STK39: variants seen among roughly 807,000 people sequenced by gnomAD.
STK39 encodes STE20/SPS1-related proline-alanine-rich protein kinase.
Under a neutral mutation model 77.8 loss-of-function variants are expected in STK39, and 20 were observed. The ratio of observed to expected loss-of-function variants is 0.26; its 90% CI spans 0.18 to 0.37. STK39 has a LOEUF of 0.37. Among genes scored for constraint, STK39 ranks in the 10% least tolerant of loss-of-function variants. STK39 has a pLI of 1.00. For synonymous variants in STK39, 246 were observed against 234.1 expected, an observed-to-expected ratio of 1.05 and a Z score of -0.47; for missense variants, 479 against 656.5, an observed-to-expected ratio of 0.73 and a Z score of 2.95.
chr2:168,213,610 C>T (rs1198837237), intron 1 of STK39, among the ~76,000 whole-genome samples: 1 of 150,896 alleles, frequency 6.6e-6, no homozygotes, highest in Non-Finnish European at 1.5e-5. Flanking sequence ...CACCTGAGCC[C>T]AGGAGGTGGA....
chr2:168,018,521 AAAGAAAGAAAAGAAAGAAAAGAAAGAAAG>A (rs1482792449), intron 14 of STK39, among the ~76,000 whole-genome samples: 25 of 98,418 alleles, frequency 2.5e-4, no homozygotes, highest in African/African-American at 1.4e-3. Context: ...AAAAGAAAGA[AAAGAAAGAAAAGAAAGAAAAGAAAGAAAG>A]AAAGAAAGAA....
Position 167,955,377 on chromosome 2 carries a change from G to A in STK39, c.*119C>T. 6.2e-6 allele frequency: 6 copies of A among 973,324 alleles called. No homozygotes were observed. Among genetic ancestry groups the A allele is most frequent in the Non-Finnish European group, 9.1e-6 (6 of 656,310 alleles). The allele number at this position is 973,324 out of a possible 1,614,324, so 60.3% of individuals were successfully genotyped here. A position where few individuals can be genotyped will look rare whatever the true frequency, so the allele number is the denominator to read the frequency against. ...GAAGCCGGCCTCTTCACAATCTTCT[G>A]ATTTTGCTAGGAAATGGGAGTGAGG... On this transcript the variant is annotated 3_prime_UTR_variant, in exon 18 of 18. Coordinates refer to ENST00000355999, the MANE Select transcript of STK39 (RefSeq NM_013233.3).
chr2:168,013,571 T>G (rs112243851), intron 15 of STK39, among the ~76,000 whole-genome samples: 63 of 152,308 alleles, frequency 4.1e-4, no homozygotes, highest in African/African-American at 1.4e-3. Flanking sequence ...TATTTAGAAT[T>G]GTAGCTTGAT....
At chr2:168,000,141 T>C (rs1343638523) in intron 16 of STK39, among the ~76,000 whole-genome samples, 4 of 152,216 alleles carry the variant, frequency 2.6e-5, no homozygotes, top group Non-Finnish European at 4.4e-5. Flanking sequence ...TGCAAACAGG[T>C]GAATTGCATG....
intron 2 of STK39, among the ~76,000 whole-genome samples, chr2:168,174,687 T>G (rs1444354120): frequency 1.3e-5 from 2 of 151,708 alleles, no homozygotes; most frequent in Non-Finnish European, 2.9e-5. Context: ...AAATTCAAAT[T>G]GAAGATGTCA....
intron 10 of STK39, among the ~76,000 whole-genome samples, chr2:168,116,764 A>G (rs1210321306): frequency 3.3e-5 from 5 of 152,204 alleles, no homozygotes; most frequent in Admixed American, 3.3e-4. Context: ...GATGCATAAA[A>G]GTGCCATTAC....
intron 6 of STK39, 97 bp downstream of exon 6, chr2:168,140,552 T>C: frequency 8.4e-7 from 1 of 1,186,224 alleles, no homozygotes; most frequent in Middle Eastern, 2.0e-4. Context: ...CATTATGCAT[T>C]CTACTAAAAT....
chr2:168,242,560 A>AAAAAAAAAAAAATATATATATAT, intron 1 of STK39, among the ~76,000 whole-genome samples: 1 of 44,866 alleles, frequency 2.2e-5, no homozygotes, highest in East Asian at 5.2e-4. Context: ...AAAAAAAAAA[A>AAAAAAAAAAAAATATATATATAT]ATATATATAT....
intron 1 of STK39, among the ~76,000 whole-genome samples, chr2:168,220,794 G>T (rs140242725): frequency 6.6e-6 from 1 of 152,120 alleles, no homozygotes. Flanking sequence ...ACATGTGTCC[G>T]ACTGAGGAGA....
At chr2:168,231,503 G>C (rs974381575) in intron 1 of STK39, among the ~76,000 whole-genome samples, 2 of 151,766 alleles carry the variant, frequency 1.3e-5, no homozygotes, top group African/African-American at 4.8e-5. Flanking sequence ...CACACCGAAG[G>C]TTCCTCAAGG....
In STK39 at chr2:168,181,586, G is replaced by A. The variant is rs561613665; in HGVS notation, c.321+392C>T. Among the ~76,000 whole-genome samples, 7 of 152,222 alleles carry A rather than the reference G, an allele frequency of 4.6e-5. No individual in the cohort carries two copies. In the South Asian group the frequency reaches 1.5e-3, roughly 32 times the overall value. On this transcript the variant is annotated intron_variant, in intron 2 of 17. Coordinates refer to ENST00000355999, the MANE Select transcript of STK39 (RefSeq NM_013233.3). ...AGCTAAAATGACCAACAAATAGTTT[G>A]GGGGACAACTTCCATTTGTGTCACA...
At chr2:168,041,184 G>A (rs1240152148) in intron 14 of STK39, among the ~76,000 whole-genome samples, 8 of 151,802 alleles carry the variant, frequency 5.3e-5, no homozygotes, top group South Asian at 2.1e-4. Flanking sequence ...TATTATTGCT[G>A]GTGAGAAATA....
intron 13 of STK39, 25 bp from the exon 14 acceptor site, chr2:168,063,595 T>C (rs2105384974): frequency 1.3e-6 from 2 of 1,576,050 alleles, no homozygotes; most frequent in Non-Finnish European, 8.7e-7. Context: ...CAGCAAACAG[T>C]GTTATAAACT....
Position 168,163,724 on chromosome 2 carries a change from C to T in STK39, c.572+15G>A, listed in dbSNP as rs761471608. 6.2e-7 allele frequency: 1 copy of T among 1,613,752 alleles called. No homozygotes were observed. Among genetic ancestry groups the T allele is most frequent in the South Asian group, 1.1e-5 (1 of 91,056 alleles). Reference sequence around the variant, plus strand: ...TATGAACATCTGAATTTAAACATCTCTGCAGAGGTCATACCTGTGAATCTG... The same window carrying T: ...TATGAACATCTGAATTTAAACATCTTTGCAGAGGTCATACCTGTGAATCTG... On this transcript the variant is annotated intron_variant, in intron 4 of 17. Transcript: ENST00000355999.
chr2:168,089,756 G>T (rs1379122886), intron 10 of STK39, among the ~76,000 whole-genome samples: 1 of 152,192 alleles, frequency 6.6e-6, no homozygotes, highest in Non-Finnish European at 1.5e-5. Context: ...TGGGATTACA[G>T]GCGCCCGCCA....
intron 10 of STK39, among the ~76,000 whole-genome samples, chr2:168,095,559 C>T (rs572754820): frequency 6.6e-6 from 1 of 150,696 alleles, no homozygotes; most frequent in South Asian, 2.1e-4. Context: ...AAGAAAAGAA[C>T]ACTCAAATCC....
At chr2:168,229,410 T>C (rs923419059) in intron 1 of STK39, among the ~76,000 whole-genome samples, 4 of 150,178 alleles carry the variant, frequency 2.7e-5, no homozygotes, top group African/African-American at 9.8e-5. Flanking sequence ...TTAAAAGGTA[T>C]AACAGTACAT....
chr2:168,201,106 A>T (rs1689600513), intron 1 of STK39, among the ~76,000 whole-genome samples: 1 of 152,260 alleles, frequency 6.6e-6, no homozygotes, highest in Non-Finnish European at 1.5e-5. Context: ...AATTGCCAAC[A>T]AGGAGTTCAA....
chr2:168,047,047 A>T (rs1398954413), intron 14 of STK39, among the ~76,000 whole-genome samples: 3 of 152,234 alleles, frequency 2.0e-5, no homozygotes, highest in Non-Finnish European at 4.4e-5. Context: ...GGAAAAAAAG[A>T]GAATGAAGCA....
Sources: gnomAD v4.1 joint callset for allele counts (sites outside exome capture counted in the v4.1 genomes callset) on GRCh38, gnomAD v4.1.1 for gene constraint, MANE v1.5 for transcripts, NCBI Gene and HGNC (gene_info 2026-07-23, HGNC 2026-07-21) for gene names.